PRKCA: variants seen among roughly 807,000 people sequenced by gnomAD.
PRKCA encodes protein kinase C alpha type.
In PRKCA, 27 loss-of-function variants were observed where a neutral mutation model predicts 87.0. The observed-to-expected ratio is 0.31, with a 90% CI of 0.23 to 0.43. The LOEUF is 0.43. Ranked by LOEUF, PRKCA falls within the 20% of genes least tolerant of loss-of-function variation. The probability of loss-of-function intolerance (pLI) is 1.00; values close to 1 mark genes in which losing one functional copy is unlikely to be tolerated. For missense variants in PRKCA, 518 were observed against 852.3 expected (o/e 0.61, Z 4.88); for synonymous variants, 329 against 311.1 (o/e 1.06, Z -0.61).
At chr17:66,638,326 G>T (rs1971200131) in intron 3 of PRKCA, 1 of 151,980 alleles carries the variant, frequency 6.6e-6, no homozygotes, top group African/African-American at 2.4e-5. Flanking sequence ...GATGAGCGTT[G>T]TTCCTGTGCA....
chr17:66,346,592 C>T (rs1907387038), intron 2 of PRKCA, among the ~76,000 whole-genome samples: 1 of 152,018 alleles, frequency 6.6e-6, no homozygotes, highest in African/African-American at 2.4e-5. Context: ...GAGATGATCC[C>T]TGGGCATATC....
intron 2 of PRKCA, among the ~76,000 whole-genome samples, chr17:66,373,928 C>A (rs899674505): frequency 6.6e-6 from 1 of 152,118 alleles, no homozygotes; most frequent in African/African-American, 2.4e-5. Context: ...AATAAGGAGC[C>A]CAGTGCACCG....
intron 16 of PRKCA, among the ~76,000 whole-genome samples, chr17:66,795,880 G>A (rs764107905): frequency 1.5e-4 from 23 of 152,184 alleles, no homozygotes; most frequent in Non-Finnish European, 3.1e-4. Flanking sequence ...TCATACACAC[G>A]TGGCTCTCAC....
chr17:66,805,048 C>G lies in PRKCA; in HGVS notation c.*1011C>G. On this transcript the variant is annotated 3_prime_UTR_variant, in exon 17 of 17. Coordinates refer to ENST00000413366, the MANE Select transcript of PRKCA (RefSeq NM_002737.3). Reference sequence around the variant, plus strand: ...CTTATGAAAGTACGATGTACAGTAACTTAATGGAAGTGCTGACTCTAGCAT... The same window carrying G: ...CTTATGAAAGTACGATGTACAGTAAGTTAATGGAAGTGCTGACTCTAGCAT... 1.0e-6 allele frequency: 1 copy of G among 983,078 alleles called. No individual in the cohort carries two copies. Among genetic ancestry groups the G allele is most frequent in the Non-Finnish European group, 1.2e-6 (1 of 827,746 alleles). 60.9% of individuals were successfully genotyped at this position (983,078 alleles called of 1,614,324 possible). A position where few individuals can be genotyped will look rare whatever the true frequency, so the allele number is the denominator to read the frequency against.
intron 2 of PRKCA, among the ~76,000 whole-genome samples, chr17:66,462,588 A>G (rs73996216): frequency 0.064 from 9,687 of 152,226 alleles, 1,025 homozygotes; most frequent in African/African-American, 0.22. Context: ...GACACCAACC[A>G]TCTTTTTTAA....
chr17:66,581,892 G>A (rs1969449585), intron 3 of PRKCA, among the ~76,000 whole-genome samples: 2 of 152,134 alleles, frequency 1.3e-5, no homozygotes, highest in African/African-American at 4.8e-5. Context: ...CTGTCCTTTT[G>A]CCGTGTCTCT....
chr17:66,688,961 C>T lies in PRKCA; in HGVS notation c.832C>T (p.Leu278Phe), dbSNP rs140607549. 1.6e-5 allele frequency: 26 copies of T among 1,601,222 alleles called. 1 individual carries two copies. The highest frequency in any genetic ancestry group is 2.7e-5 in the African/African-American group (2 of 74,708). ...KMPASGWYKL[L>F]NQEEGEYYNV... Reference sequence around the variant, plus strand: ...TCCCGTCCTTGAAAGGTACAAGTTGCTTAACCAAGAAGAAGGTGAGTACTA... The same window carrying T: ...TCCCGTCCTTGAAAGGTACAAGTTGTTTAACCAAGAAGAAGGTGAGTACTA... Residue 278 changes from leucine to phenylalanine, a missense_variant, in exon 8 of 17, where the codon CTT (leucine) becomes TTT (phenylalanine). Physicochemically the swap from Leu to Phe is conservative, Grantham distance 22. Around this residue, in one of 5 missense-constraint regions of PRKCA, gnomAD observed 300 missense variants for 496.8 expected, o/e 0.60. Transcript: ENST00000413366.
chr17:66,362,916 A>T (rs1188058759), intron 2 of PRKCA, among the ~76,000 whole-genome samples: 1 of 151,648 alleles, frequency 6.6e-6, no homozygotes, highest in Non-Finnish European at 1.5e-5. Flanking sequence ...CTGGTCTCAA[A>T]CTCCTGGCCT....
chr17:66,635,488 C>T (rs946577290), intron 3 of PRKCA, among the ~76,000 whole-genome samples: 4 of 152,304 alleles, frequency 2.6e-5, no homozygotes, highest in Non-Finnish European at 5.9e-5. Flanking sequence ...TTTTGAAAAA[C>T]GGGTCAGAAA....
At chr17:66,333,886 A>T (rs1906501538) in intron 2 of PRKCA, among the ~76,000 whole-genome samples, 1 of 152,182 alleles carries the variant, frequency 6.6e-6, no homozygotes, top group African/African-American at 2.4e-5. Flanking sequence ...CTGTCCCCTT[A>T]CCCTCTGATT....
chr17:66,580,769 T>C (rs1000252292), intron 3 of PRKCA, among the ~76,000 whole-genome samples: 3 of 152,180 alleles, frequency 2.0e-5, no homozygotes, highest in Non-Finnish European at 4.4e-5. Flanking sequence ...GACGCCACCC[T>C]GCGCCCTTCT....
At chr17:66,528,527 G>T (rs944660386) in intron 3 of PRKCA, among the ~76,000 whole-genome samples, 1 of 152,148 alleles carries the variant, frequency 6.6e-6, no homozygotes, top group African/African-American at 2.4e-5. Flanking sequence ...AGAGTTGGGA[G>T]GGTTGCCCTT....
chr17:66,339,080 G>A (rs1388611171), intron 2 of PRKCA, among the ~76,000 whole-genome samples: 2 of 152,182 alleles, frequency 1.3e-5, no homozygotes, highest in South Asian at 2.1e-4. Flanking sequence ...GATTCTGAGA[G>A]CTCTTGCGCT....
Position 66,369,974 on chromosome 17 carries a change from G to A in PRKCA, c.205+63847G>A, listed in dbSNP as rs534384283. ...TCTAGCTCAGTTGTCTTATCATTAG[G>A]GTGAACATATTTATCCTCTAAACCA... On this transcript the variant is annotated intron_variant, in intron 2 of 16. Coordinates refer to ENST00000413366, the MANE Select transcript of PRKCA (RefSeq NM_002737.3). Among the ~76,000 whole-genome samples the A allele has an allele frequency of 1.3e-3, 195 of 152,316 alleles. 1 individual carries two copies. Among genetic ancestry groups the A allele is most frequent in the African/African-American group, 4.3e-3 (177 of 41,558 alleles).
intron 2 of PRKCA, among the ~76,000 whole-genome samples, chr17:66,333,180 C>T (rs1472238429): frequency 6.6e-6 from 1 of 152,208 alleles, no homozygotes; most frequent in Non-Finnish European, 1.5e-5. Context: ...TGAAGGCATG[C>T]AGTCTACTAC....
chr17:66,731,160 G>A (rs1453533533), intron 8 of PRKCA, among the ~76,000 whole-genome samples: 2 of 152,050 alleles, frequency 1.3e-5, no homozygotes, highest in Non-Finnish European at 2.9e-5. Flanking sequence ...AGACCAGGCT[G>A]CCCAACATGG....
At chr17:66,478,995 C>T (rs1915655735) in intron 2 of PRKCA, among the ~76,000 whole-genome samples, 1 of 152,150 alleles carries the variant, frequency 6.6e-6, no homozygotes, top group South Asian at 2.1e-4. Context: ...ACGCCAAAAG[C>T]AATTGCGACA....
chr17:66,782,292 T>TAA (rs60097944), intron 14 of PRKCA, among the ~76,000 whole-genome samples: 47 of 150,458 alleles, frequency 3.1e-4, no homozygotes, highest in South Asian at 6.3e-4. Flanking sequence ...TTATCACAAT[T>TAA]AAAAAAAAAA....
At chr17:66,490,388 T>C (rs9893819) in intron 2 of PRKCA, among the ~76,000 whole-genome samples, 4,796 of 150,198 alleles carry the variant, frequency 0.032, 216 homozygotes, top group African/African-American at 0.1. Context: ...TTGCTACCCA[T>C]GCTGGAGTGC....
Sources: allele counts gnomAD v4.1 joint callset (sites outside exome capture counted in the v4.1 genomes callset), GRCh38; gene constraint gnomAD v4.1.1; regional missense constraint gnomAD v4.1.1; transcripts MANE v1.5; gene names NCBI Gene and HGNC (gene_info 2026-07-23, HGNC 2026-07-21).